SCRG1: variants seen among roughly 807,000 people sequenced by gnomAD.
The protein encoded by SCRG1 is stimulator of chondrogenesis 1.
SCRG1 carries 3 observed loss-of-function variants against 7.7 expected under a neutral mutation model. The observed-to-expected ratio is 0.39, with a 90% CI of 0.18 to 1.01. The LOEUF is 1.01. Ranked by LOEUF, SCRG1 falls within the 50% of genes least tolerant of loss-of-function variation. The probability of loss-of-function intolerance (pLI) is 0.36; values close to 1 mark genes in which losing one functional copy is unlikely to be tolerated. For synonymous variants in SCRG1, 46 were observed against 41.2 expected (o/e 1.12, Z -0.44); for missense variants, 110 against 117.2 (o/e 0.94, Z 0.28).
chr4:173,427,245 C>T, the SCRG1 span, among the ~76,000 whole-genome samples: 1 of 152,202 alleles, frequency 6.6e-6, no homozygotes, highest in Non-Finnish European at 1.5e-5. Flanking sequence ...TTCTGCCTAT[C>T]TGCTGTCTAG....
intron 1 of SCRG1, among the ~76,000 whole-genome samples, chr4:173,396,749 T>TGTGTGTGTGTG (rs70944446): frequency 6.7e-6 from 1 of 149,900 alleles, no homozygotes; most frequent in African/African-American, 2.5e-5. Flanking sequence ...TGTGTGTGTG[T>TGTGTGTGTGTG]ATGCATTATA....
the SCRG1 span, among the ~76,000 whole-genome samples, chr4:173,430,617 G>A: frequency 1.3e-5 from 2 of 151,962 alleles, no homozygotes; most frequent in South Asian, 4.2e-4. Flanking sequence ...ACTGAAACAT[G>A]TAGAGACAGC....
the SCRG1 span, among the ~76,000 whole-genome samples, chr4:173,485,147 T>TATAATATATAA: frequency 2.8e-5 from 1 of 35,842 alleles, no homozygotes; most frequent in Non-Finnish European, 5.7e-5. Context: ...TTACATATAA[T>TATAATATATAA]GTAATATATA....
At chr4:173,518,293 C>T in the SCRG1 span, among the ~76,000 whole-genome samples, 5 of 152,156 alleles carry the variant, frequency 3.3e-5, no homozygotes, top group Admixed American at 3.3e-4. Flanking sequence ...CCACGGGAGC[C>T]AGTCTTGGAT....
upstream of SCRG1, among the ~76,000 whole-genome samples, chr4:173,408,794 C>A (rs1739974046): frequency 6.6e-6 from 1 of 151,830 alleles, no homozygotes; most frequent in Non-Finnish European, 1.5e-5. Context: ...GAGATTGAGA[C>A]CATCCTGGCT....
At chr4:173,451,484 GA>G in the SCRG1 span, among the ~76,000 whole-genome samples, 17,300 of 151,756 alleles carry the variant, frequency 0.11, 1,233 homozygotes, top group Middle Eastern at 0.22. Context: ...ACTATACCAA[GA>G]AGATAGCACG....
the SCRG1 span, among the ~76,000 whole-genome samples, chr4:173,496,588 T>C: frequency 6.6e-6 from 1 of 152,212 alleles, no homozygotes; most frequent in Non-Finnish European, 1.5e-5. Flanking sequence ...TGAATTGTAG[T>C]GAGATAAAAC....
intron 1 of SCRG1, 131 bp from the exon 2 acceptor site, chr4:173,391,559 T>C (rs1308784213): frequency 7.0e-6 from 6 of 861,578 alleles, no homozygotes; most frequent in Non-Finnish European, 9.0e-6. Context: ...TCTACAATCC[T>C]GTTTGTGTTT....
intron 1 of SCRG1, among the ~76,000 whole-genome samples, chr4:173,395,154 T>C (rs995579705): frequency 6.6e-6 from 1 of 152,220 alleles, no homozygotes; most frequent in African/African-American, 2.4e-5. Context: ...TGTTCTTTCA[T>C]AGCGCCCTTT....
the SCRG1 span, among the ~76,000 whole-genome samples, chr4:173,466,083 C>T: frequency 1.3e-5 from 2 of 152,038 alleles, no homozygotes; most frequent in Non-Finnish European, 2.9e-5. Context: ...ACAAAATGGC[C>T]AGTCTGAAGT....
At chr4:173,483,342 C>T in the SCRG1 span, among the ~76,000 whole-genome samples, 6 of 13,260 alleles carry the variant, frequency 4.5e-4, no homozygotes, top group Middle Eastern at 0.036. Flanking sequence ...TTATATATTA[C>T]ATATGATATA....
chr4:173,438,560 G>T, the SCRG1 span, among the ~76,000 whole-genome samples: 1 of 151,888 alleles, frequency 6.6e-6, no homozygotes, highest in Admixed American at 6.6e-5. Context: ...TGAACTCTGA[G>T]CAACATATTG....
the SCRG1 span, among the ~76,000 whole-genome samples, chr4:173,508,731 A>C: frequency 6.6e-6 from 1 of 152,076 alleles, no homozygotes; most frequent in Non-Finnish European, 1.5e-5. The surrounding 1 kb of genome is among the most constrained non-coding windows in gnomAD (Gnocchi z 4.4). Flanking sequence ...CGAGTTATGG[A>C]CATCGCCGCC....
At chr4:173,488,678 A>C in the SCRG1 span, among the ~76,000 whole-genome samples, 36 of 152,212 alleles carry the variant, frequency 2.4e-4, no homozygotes, top group Non-Finnish European at 4.4e-4. Flanking sequence ...TTTTGGGATG[A>C]AATACATTTT....
chr4:173,400,335 A>T (rs1739729743), upstream of SCRG1, among the ~76,000 whole-genome samples: 1 of 152,230 alleles, frequency 6.6e-6, no homozygotes, highest in Non-Finnish European at 1.5e-5. Flanking sequence ...ATCTAGAAAA[A>T]GGATATAAAA....
chr4:173,479,446 T>G, the SCRG1 span, among the ~76,000 whole-genome samples: 330 of 148,690 alleles, frequency 2.2e-3, 6 homozygotes, highest in South Asian at 8.3e-3. Flanking sequence ...TTTTTTTGTT[T>G]TTTTTTTTTT....
chr4:173,497,739 C>G, the SCRG1 span, among the ~76,000 whole-genome samples: 1 of 145,562 alleles, frequency 6.9e-6, no homozygotes, highest in African/African-American at 2.5e-5. Flanking sequence ...GGCACTGTGT[C>G]AGCTCACTGC....
chr4:173,517,149 A>AGGTTCGG, the SCRG1 span, among the ~76,000 whole-genome samples: 1 of 152,222 alleles, frequency 6.6e-6, no homozygotes, highest in Non-Finnish European at 1.5e-5. Context: ...TCCCCCCGGG[A>AGGTTCGG]GGCTCGGGGC....
the SCRG1 span, among the ~76,000 whole-genome samples, chr4:173,426,497 TTCTC>T: frequency 6.6e-6 from 1 of 152,196 alleles, no homozygotes; most frequent in Non-Finnish European, 1.5e-5. Flanking sequence ...GACAGGGTCT[TTCTC>T]TGTTGCCCAG....
Sources: allele counts gnomAD v4.1 joint callset (sites outside exome capture counted in the v4.1 genomes callset), GRCh38; gene constraint gnomAD v4.1.1; non-coding constraint Gnocchi (gnomAD v3.1); transcripts MANE v1.5; gene names NCBI Gene and HGNC (gene_info 2026-07-23, HGNC 2026-07-21).